DAB2IP: variants seen among roughly 807,000 people sequenced by gnomAD.
DAB2IP encodes DAB2 interacting protein.
DAB2IP carries 28 observed loss-of-function variants against 107.2 expected under a neutral mutation model. That is an observed-to-expected ratio of 0.26 (90% CI 0.19 to 0.36). The LOEUF (loss-of-function observed/expected upper bound fraction) is 0.36. DAB2IP is among the 10% of genes least tolerant of loss of function. The pLI is 1.00. For synonymous variants in DAB2IP, 755 were observed against 706.4 expected, an observed-to-expected ratio of 1.07 and a Z score of -1.09; for missense variants, 1,400 against 1,644.7, an observed-to-expected ratio of 0.85 and a Z score of 2.57.
At chr9:121,660,965 C>T (rs1010045977) in intron 1 of DAB2IP, among the ~76,000 whole-genome samples, 3 of 152,050 alleles carry the variant, frequency 2.0e-5, no homozygotes, top group Non-Finnish European at 2.9e-5. Flanking sequence ...CTGACACCCA[C>T]GAAGGAGAAG....
intron 13 of DAB2IP, among the ~76,000 whole-genome samples, chr9:121,774,638 A>G (rs1835059510): frequency 6.6e-6 from 1 of 152,186 alleles, no homozygotes; most frequent in African/African-American, 2.4e-5. Context: ...CCATCTGCAG[A>G]TTGGAATCAC....
In DAB2IP at chr9:121,622,706, A is replaced by T. The variant is rs551769812; in HGVS notation, c.40+55478A>T. ...AGAAGTACACAAACTAATAATTAAC[A>T]GATGTCAATTGTTAATAGCTGAAAA... On this transcript the variant is annotated intron_variant, in intron 1 of 16. Transcript: ENST00000259371. Among the ~76,000 whole-genome samples the T allele has an allele frequency of 2.0e-4, 30 of 152,296 alleles. No individual in the cohort carries two copies. In the South Asian group the frequency reaches 2.7e-3, roughly 14 times the overall value.
chr9:121,654,709 T>C (rs889823043), intron 1 of DAB2IP, among the ~76,000 whole-genome samples: 1 of 152,176 alleles, frequency 6.6e-6, no homozygotes, highest in Non-Finnish European at 1.5e-5. Flanking sequence ...AGCCAGTCCC[T>C]TCTGACCTTG....
chr9:121,570,107 CTTTT>C (rs60818537), intron 1 of DAB2IP, among the ~76,000 whole-genome samples: 2,982 of 101,534 alleles, frequency 0.029, 90 homozygotes, highest in African/African-American at 0.11. Flanking sequence ...TTCTCTTTCT[CTTTT>C]TTTTTTTTTT....
At chr9:121,583,605 C>A (rs576287755) in intron 1 of DAB2IP, among the ~76,000 whole-genome samples, 1 of 149,108 alleles carries the variant, frequency 6.7e-6, no homozygotes, top group African/African-American at 2.5e-5. Context: ...GCTTTGCTGG[C>A]AGGCCCCTCT....
chr9:121,708,032 G>A (rs1589555520), intron 3 of DAB2IP, among the ~76,000 whole-genome samples: 1 of 152,200 alleles, frequency 6.6e-6, no homozygotes, highest in African/African-American at 2.4e-5. Context: ...CTGATAAAAT[G>A]CAGATTCTTG....
chr9:121,740,033 C>G (rs1033381788), intron 3 of DAB2IP, among the ~76,000 whole-genome samples: 2 of 151,998 alleles, frequency 1.3e-5, no homozygotes, highest in Non-Finnish European at 2.9e-5. Context: ...TCAAGGAGAC[C>G]CAGTGGGGTC....
In DAB2IP at chr9:121,567,276, G is replaced by A. The variant is rs536546763; in HGVS notation, c.40+48G>A. ...CAGAGTTGGGGGTTTCAGCCTCTCT[G>A]CTCAACAGACTTTTCTCTGCTATAG... On this transcript the variant is annotated intron_variant, in intron 1 of 16. Transcript: ENST00000259371. 3.1e-6 allele frequency: 5 copies of A among 1,613,094 alleles called. No homozygotes were observed. In the African/African-American group the frequency reaches 5.3e-5, roughly 17 times the overall value.
intron 8 of DAB2IP, among the ~76,000 whole-genome samples, chr9:121,765,681 C>T (rs10116069): frequency 0.16 from 24,188 of 152,182 alleles, 2,256 homozygotes; most frequent in East Asian, 0.4. Flanking sequence ...ACTGAGTTCA[C>T]GGACCACTGG....
chr9:121,592,810 C>T (rs888386602), intron 1 of DAB2IP, among the ~76,000 whole-genome samples: 58 of 152,134 alleles, frequency 3.8e-4, no homozygotes, highest in South Asian at 8.3e-4. Flanking sequence ...CAGGCTCTGT[C>T]GCCCCTACAG....
chr9:121,682,635 G>T (rs1259965519), intron 2 of DAB2IP, among the ~76,000 whole-genome samples: 1 of 152,234 alleles, frequency 6.6e-6, no homozygotes, highest in African/African-American at 2.4e-5. Flanking sequence ...ATGACCCTGG[G>T]AGAGCCTCAG....
chr9:121,586,616 G>A lies in DAB2IP; in HGVS notation c.40+19388G>A, dbSNP rs7867878. On this transcript the variant is annotated intron_variant, in intron 1 of 16. Transcript: ENST00000259371. ...GCAGATTACTTGAGCCCAGGAGTTC[G>A]AGACCAGCTTGGGCAACACAGCAAG... Among the ~76,000 whole-genome samples, 520 of 151,998 alleles carry A rather than the reference G, an allele frequency of 3.4e-3. 1 individual carries two copies. Among genetic ancestry groups the A allele is most frequent in the African/African-American group, 0.012 (494 of 41,468 alleles).
At chr9:121,614,288 C>T (rs1362214678) in intron 1 of DAB2IP, among the ~76,000 whole-genome samples, 3 of 151,890 alleles carry the variant, frequency 2.0e-5, no homozygotes, top group South Asian at 4.2e-4. Context: ...AGATGATAAC[C>T]AGGACCTAAT....
At chr9:121,758,160 T>G (rs1186542150) in intron 4 of DAB2IP, among the ~76,000 whole-genome samples, 6 of 152,160 alleles carry the variant, frequency 3.9e-5, no homozygotes, top group African/African-American at 7.2e-5. Context: ...AGGAGTGTGC[T>G]TCCCCTGCAG....
chr9:121,770,250 C>G (rs1290923813), intron 10 of DAB2IP, among the ~76,000 whole-genome samples: 1 of 152,234 alleles, frequency 6.6e-6, no homozygotes, highest in African/African-American at 2.4e-5. Flanking sequence ...GTGCTTTCCT[C>G]TCTGCGGAGG....
rs188015309 is a variant in DAB2IP at position 121,575,322 on chromosome 9, C to T, written c.40+8094C>T. ...ACAGCAGCAGCCACCGCGCAGGGCT[C>T]CTCTCTTGTGAGGACCAAGCAGGAT... On this transcript the variant is annotated intron_variant, in intron 1 of 16. Coordinates refer to the DAB2IP transcript ENST00000259371. 3.2e-5 allele frequency: 5 copies of T among 154,114 alleles called. No homozygotes were observed. In the Admixed American group the frequency reaches 3.3e-4, roughly 10 times the overall value. 9.5% of individuals were successfully genotyped at this position (154,114 alleles called of 1,614,324 possible). A position where few individuals can be genotyped will look rare whatever the true frequency, so the allele number is the denominator to read the frequency against.
chr9:121,713,003 C>T (rs972801194), intron 3 of DAB2IP, among the ~76,000 whole-genome samples: 1 of 152,208 alleles, frequency 6.6e-6, no homozygotes, highest in African/African-American at 2.4e-5. Context: ...CGGCCCCTGC[C>T]CTTGGAGGAC....
At chr9:121,707,427 A>G (rs775677987) in intron 3 of DAB2IP, among the ~76,000 whole-genome samples, 2 of 152,162 alleles carry the variant, frequency 1.3e-5, no homozygotes, top group Non-Finnish European at 2.9e-5. Flanking sequence ...TAGCACAATG[A>G]GATCCCACCT....
At chr9:121,691,159 T>C (rs528083134) in intron 2 of DAB2IP, among the ~76,000 whole-genome samples, 236 of 152,334 alleles carry the variant, frequency 1.5e-3, no homozygotes, top group Non-Finnish European at 2.8e-3. Flanking sequence ...TCAAGAAATA[T>C]TGAGAGAATA....
Sources: gnomAD v4.1 joint callset for allele counts (sites outside exome capture counted in the v4.1 genomes callset) on GRCh38, gnomAD v4.1.1 for gene constraint, MANE v1.5 for transcripts, NCBI Gene and HGNC (gene_info 2026-07-23, HGNC 2026-07-21) for gene names.